The following ATF7IP2 variants were observed in gnomAD, a reference collection of about 807,000 sequenced individuals.
The protein encoded by ATF7IP2 is activating transcription factor 7 interacting protein 2, also known as activating transcription factor 7-interacting protein 2.
In ATF7IP2, 42 loss-of-function variants were observed where a neutral mutation model predicts 64.2. The observed-to-expected ratio is 0.65, with a 90% CI of 0.51 to 0.85. The LOEUF (loss-of-function observed/expected upper bound fraction) is 0.85, where lower values mean the gene tolerates loss of function less well. ATF7IP2 is among the 40% of genes least tolerant of loss of function. The pLI is 0.00. For synonymous variants in ATF7IP2, 308 were observed against 272.8 expected (o/e 1.13, Z -1.27); for missense variants, 933 against 784.2 (o/e 1.19, Z -2.27).
intron 2 of ATF7IP2, among the ~76,000 whole-genome samples, chr16:10,416,969 C>T (rs549884095): frequency 1.3e-3 from 196 of 152,206 alleles, no homozygotes; most frequent in African/African-American, 4.5e-3. Context: ...CCCCATTTAC[C>T]AATGTGATTA....
chr16:10,444,737 C>G (rs1049213150), intron 8 of ATF7IP2, among the ~76,000 whole-genome samples: 3 of 152,094 alleles, frequency 2.0e-5, no homozygotes, highest in African/African-American at 7.2e-5. Flanking sequence ...AAGGTGGATG[C>G]CATGGAGTAT....
chr16:10,467,816 G>A (rs1312300367), intron 9 of ATF7IP2, among the ~76,000 whole-genome samples: 1 of 151,576 alleles, frequency 6.6e-6, no homozygotes, highest in Non-Finnish European at 1.5e-5. Flanking sequence ...GCCCCACAAA[G>A]TGCTGGGATT....
chr16:10,445,083 T>C (rs2048757240), intron 8 of ATF7IP2, among the ~76,000 whole-genome samples: 13 of 152,224 alleles, frequency 8.5e-5, no homozygotes, highest in Admixed American at 8.5e-4. Flanking sequence ...TTCTTACGTA[T>C]TAAGCAACTA....
intron 1 of ATF7IP2, among the ~76,000 whole-genome samples, chr16:10,410,754 A>G (rs1261741416): frequency 6.6e-6 from 1 of 152,102 alleles, no homozygotes; most frequent in African/African-American, 2.4e-5. Flanking sequence ...TGCCATGTCA[A>G]TCTCAGTATG....
chr16:10,463,852 AT>A, intron 9 of ATF7IP2, among the ~76,000 whole-genome samples: 1 of 152,272 alleles, frequency 6.6e-6, no homozygotes, highest in Non-Finnish European at 1.5e-5. Context: ...TAAGACAGTG[AT>A]TTCTTATTTT....
intron 1 of ATF7IP2, among the ~76,000 whole-genome samples, chr16:10,409,625 C>T (rs556602777): frequency 3.4e-4 from 52 of 152,234 alleles, no homozygotes; most frequent in Non-Finnish European, 5.7e-4. Flanking sequence ...CAGGGTTTCA[C>T]GGCGTTAGCC....
chr16:10,461,871 C>T (rs917465517), intron 9 of ATF7IP2, among the ~76,000 whole-genome samples: 1 of 152,044 alleles, frequency 6.6e-6, no homozygotes, highest in Non-Finnish European at 1.5e-5. Context: ...AAATAATTAT[C>T]TTTTAATCAG....
rs141754885 is a variant in ATF7IP2 at position 10,442,562 on chromosome 16, C to G, written c.1194+2100C>G. 2.6e-5 allele frequency among the ~76,000 whole-genome samples: 4 copies of G among 152,292 alleles called. No homozygotes were observed. In the East Asian group the frequency reaches 7.7e-4, roughly 29 times the overall value. ...CCATGAGTCCTTTCCATTTACCAAA[C>G]CACCTTTCTAACCATCCTGTAAAGG... On this transcript the variant is annotated intron_variant, in intron 8 of 13. Transcript: ENST00000562102.
At chr16:10,417,190 GTAA>G (rs559755103) in intron 2 of ATF7IP2, among the ~76,000 whole-genome samples, 195 of 152,120 alleles carry the variant, frequency 1.3e-3, no homozygotes, top group African/African-American at 4.4e-3. Context: ...CAACAACTAG[GTAA>G]TAATCGATAA....
intron 6 of ATF7IP2, 122 bp from the exon 7 acceptor site, chr16:10,437,978 TA>T: frequency 1.5e-6 from 1 of 681,292 alleles, no homozygotes; most frequent in East Asian, 3.4e-5. Context: ...CATACAAATA[TA>T]AATAAACTAT....
intron 8 of ATF7IP2, among the ~76,000 whole-genome samples, chr16:10,440,916 G>GA (rs1381510383): frequency 6.6e-6 from 1 of 151,754 alleles, no homozygotes; most frequent in Non-Finnish European, 1.5e-5. Context: ...CCCACCCCCT[G>GA]ACAGGCCCTG....
chr16:10,425,239 T>G (rs1365722565), intron 3 of ATF7IP2, among the ~76,000 whole-genome samples: 1 of 150,918 alleles, frequency 6.6e-6, no homozygotes, highest in African/African-American at 2.4e-5. Context: ...TTTTTTTTTT[T>G]TTGTACTTTT....
At chr16:10,479,853 T>C (rs533156174) in intron 12 of ATF7IP2, among the ~76,000 whole-genome samples, 3 of 151,464 alleles carry the variant, frequency 2.0e-5, no homozygotes, top group African/African-American at 7.3e-5. Context: ...CTGGCGAGGA[T>C]GTGGAGAAAT....
At chr16:10,392,110 C>T (rs8057804) in intron 1 of ATF7IP2, among the ~76,000 whole-genome samples, 1 of 145,324 alleles carries the variant, frequency 6.9e-6, no homozygotes, top group Non-Finnish European at 1.5e-5. Context: ...CTGGAGTGAA[C>T]GGGCAAGATC....
At chr16:10,453,209 G>T (rs545344021) in intron 8 of ATF7IP2, among the ~76,000 whole-genome samples, 3 of 152,190 alleles carry the variant, frequency 2.0e-5, no homozygotes, top group Non-Finnish European at 4.4e-5. Context: ...ACCCAGGGCC[G>T]TGGTAGCATA....
At position 10,433,657 on chromosome 16, in the gene ATF7IP2, A is replaced by G; in HGVS notation, c.960+8A>G. ...ACAGCATTCCTGGAACAGGTAAAAT[A>G]TTGGGGCTTAAATGGAACTTTTACT... On this transcript the variant is annotated splice_region_variant and intron_variant, in intron 6 of 13. Coordinates refer to ENST00000562102, the MANE Select transcript of ATF7IP2 (RefSeq NM_001393719.1). 6.2e-7 allele frequency: 1 copy of G among 1,612,346 alleles called. No individual in the cohort carries two copies. Among genetic ancestry groups the G allele is most frequent in the Non-Finnish European group, 8.5e-7 (1 of 1,179,186 alleles).
chr16:10,438,608 A>G lies in ATF7IP2; in HGVS notation c.1095+373A>G, dbSNP rs538266343. ...GTGATATTTTTCATATTAGCAAAGG[A>G]AAACAATAAGGGAAGACATACCTGA... On this transcript the variant is annotated intron_variant, in intron 7 of 13. Transcript: ENST00000562102. 1.1e-4 allele frequency among the ~76,000 whole-genome samples: 16 copies of G among 152,286 alleles called. 1 individual carries two copies. In the Middle Eastern group the frequency reaches 0.01, roughly 97 times the overall value.
rs542235588 is a variant in ATF7IP2, at chr16:10,464,750, T to G, written c.1352+7221T>G. The stretch of plus-strand genomic sequence containing the variant: ...AGATGGAAAGGGGGACAGGAAGGAG[T>G]TACTAGCCACAGTATCTTAAGAAAG... On this transcript the variant is annotated intron_variant, in intron 9 of 13. Coordinates refer to ENST00000562102, the MANE Select transcript of ATF7IP2 (RefSeq NM_001393719.1). Among the ~76,000 whole-genome samples the G allele has an allele frequency of 8.7e-4, 133 of 152,196 alleles. 1 individual carries two copies. In the Middle Eastern group the frequency reaches 0.017, roughly 19 times the overall value.
chr16:10,425,015 A>G (rs1291785738), intron 3 of ATF7IP2, among the ~76,000 whole-genome samples: 3 of 150,604 alleles, frequency 2.0e-5, no homozygotes, highest in South Asian at 2.1e-4. Flanking sequence ...TGAAAACATT[A>G]TGTCCACATA....
Sources: gnomAD v4.1 joint callset for allele counts (sites outside exome capture counted in the v4.1 genomes callset) on GRCh38, gnomAD v4.1.1 for gene constraint, MANE v1.5 for transcripts, NCBI Gene and HGNC (gene_info 2026-07-23, HGNC 2026-07-21) for gene names.